The following ADGRL2 variants were observed in gnomAD, a reference collection of about 807,000 sequenced individuals.
ADGRL2 encodes calcium-independent alpha-latrotoxin receptor 2.
A neutral mutation model predicts 157.4 loss-of-function variants in ADGRL2; 44 were observed. That is an observed-to-expected ratio of 0.28 (90% CI 0.22 to 0.36). ADGRL2 has a LOEUF of 0.36. Ranked by LOEUF, ADGRL2 falls within the 10% of genes least tolerant of loss-of-function variation. The pLI, the probability that ADGRL2 is intolerant of heterozygous loss-of-function variation, is 1.00. For missense variants in ADGRL2, 1,510 were observed against 1,768.9 expected (o/e 0.85, Z 2.63); for synonymous variants, 585 against 624.7 (o/e 0.94, Z 0.95).
At chr1:81,404,262 T>C (rs1027649054) in intron 1 of ADGRL2, among the ~76,000 whole-genome samples, 2 of 152,180 alleles carry the variant, frequency 1.3e-5, no homozygotes, top group Non-Finnish European at 2.9e-5. Flanking sequence ...GTAATCAACT[T>C]TGAAGCCCCG....
chr1:81,846,607 C>G (rs1423371132), intron 2 of ADGRL2, among the ~76,000 whole-genome samples: 5 of 151,918 alleles, frequency 3.3e-5, no homozygotes, highest in African/African-American at 1.2e-4. Flanking sequence ...GTGCGTCTTA[C>G]TATTCCTGTA....
At chr1:81,935,043 A>T (rs1054585992) in intron 3 of ADGRL2, among the ~76,000 whole-genome samples, 13 of 151,990 alleles carry the variant, frequency 8.6e-5, no homozygotes, top group African/African-American at 3.1e-4. Flanking sequence ...TATATTTATT[A>T]GTTGGGAACA....
chr1:81,399,057 G>A (rs1255153712), intron 1 of ADGRL2, among the ~76,000 whole-genome samples: 2 of 152,122 alleles, frequency 1.3e-5, no homozygotes, highest in East Asian at 3.9e-4. Flanking sequence ...AGCATGACTG[G>A]GAGGCCTCAG....
intron 3 of ADGRL2, among the ~76,000 whole-genome samples, chr1:81,601,167 G>T (rs2081326570): frequency 6.6e-6 from 1 of 152,172 alleles, no homozygotes; most frequent in Non-Finnish European, 1.5e-5. Flanking sequence ...TCATTAAGTA[G>T]CATGCCTCAT....
At chr1:81,818,212 A>G (rs898089514) in intron 1 of ADGRL2, among the ~76,000 whole-genome samples, 1 of 152,114 alleles carries the variant, frequency 6.6e-6, no homozygotes. Flanking sequence ...TCACAATCAT[A>G]TTAAACTTTC....
chr1:81,461,931 G>A (rs2077937406), intron 2 of ADGRL2, among the ~76,000 whole-genome samples: 1 of 8,226 alleles, frequency 1.2e-4, no homozygotes, highest in African/African-American at 4.7e-4. Flanking sequence ...AAAGAAGAAA[G>A]GGGGGGGGGG....
At position 81,991,009 on chromosome 1, in the gene ADGRL2, C is replaced by T. The variant is rs1664507533; in HGVS notation, c.4274C>T (p.Ala1425Val). ...TATAAAAGCATGCCAAATCTTGGAG[C>T]TGGCCATCAGCTTCAGATGTGCTAC... ...IYYKSMPNLG[A>V]GHQLQMCYQI... Residue 1425 changes from alanine to valine, a missense_variant, in exon 24 of 24, where the codon GCT becomes GTT. This residue lies in a region of ADGRL2 where 327 missense variants were observed against 310.1 expected (regional missense o/e 1.05). Transcript: ENST00000686636. 6.2e-7 allele frequency: 1 copy of T among 1,613,974 alleles called. No homozygotes were observed. Among genetic ancestry groups the T allele is most frequent in the Non-Finnish European group, 8.5e-7 (1 of 1,179,966 alleles).
intron 1 of ADGRL2, among the ~76,000 whole-genome samples, chr1:81,724,432 T>C (rs903164315): frequency 7.9e-5 from 12 of 152,208 alleles, no homozygotes; most frequent in African/African-American, 2.9e-4. Flanking sequence ...ATAAATGAGA[T>C]AATCCAGTTG....
At chr1:81,655,227 C>T (rs1005617301) in intron 3 of ADGRL2, among the ~76,000 whole-genome samples, 1 of 152,144 alleles carries the variant, frequency 6.6e-6, no homozygotes. Flanking sequence ...ATCTCGATCT[C>T]CTGACTTCGT....
chr1:81,843,246 C>T (rs2092666161), intron 2 of ADGRL2, among the ~76,000 whole-genome samples: 1 of 152,078 alleles, frequency 6.6e-6, no homozygotes, highest in Admixed American at 6.6e-5. Flanking sequence ...AATTCTCCTG[C>T]CTCAGCCTCC....
intron 3 of ADGRL2, among the ~76,000 whole-genome samples, chr1:81,632,897 T>C (rs1026612594): frequency 6.6e-6 from 1 of 152,204 alleles, no homozygotes; most frequent in African/African-American, 2.4e-5. Context: ...ATGGAAGTCA[T>C]TGGAGGGATT....
chr1:81,565,006 A>G (rs180940164), intron 2 of ADGRL2, among the ~76,000 whole-genome samples: 1 of 152,348 alleles, frequency 6.6e-6, no homozygotes, highest in African/African-American at 2.4e-5. Flanking sequence ...AATTTCTTTC[A>G]GAATTAAATT....
At chr1:81,658,820 C>G (rs936370763) in intron 3 of ADGRL2, among the ~76,000 whole-genome samples, 2 of 151,948 alleles carry the variant, frequency 1.3e-5, no homozygotes, top group Non-Finnish European at 2.9e-5. Context: ...GGCACAATCT[C>G]AGCTCATTGC....
intron 3 of ADGRL2, among the ~76,000 whole-genome samples, chr1:81,925,656 G>GTT (rs935010116): frequency 6.6e-6 from 1 of 151,090 alleles, no homozygotes; most frequent in Non-Finnish European, 1.5e-5. Flanking sequence ...ACAAAGATGC[G>GTT]TTTTTTAAAG....
At chr1:81,982,033 A>G (rs1169439328) in intron 19 of ADGRL2, 57 bp downstream of exon 19, 1 of 1,312,692 alleles carries the variant, frequency 7.6e-7, no homozygotes, top group Non-Finnish European at 1.1e-6. Flanking sequence ...TTTGAATATA[A>G]TAGATATAAT....
intron 3 of ADGRL2, among the ~76,000 whole-genome samples, chr1:81,693,832 A>G (rs1256589035): frequency 1.3e-5 from 2 of 152,176 alleles, no homozygotes; most frequent in Non-Finnish European, 2.9e-5. Context: ...GAAAAATGAC[A>G]CAGAAAAGAT....
intron 1 of ADGRL2, among the ~76,000 whole-genome samples, chr1:81,370,972 G>A (rs2076151664): frequency 6.6e-6 from 1 of 152,076 alleles, no homozygotes; most frequent in Admixed American, 6.6e-5. Flanking sequence ...CTCTAGTCTA[G>A]CGTTTAATGG....
intron 1 of ADGRL2, among the ~76,000 whole-genome samples, chr1:81,758,713 T>C (rs2085772359): frequency 6.6e-6 from 1 of 152,234 alleles, no homozygotes; most frequent in Non-Finnish European, 1.5e-5. Context: ...TGCTAACATT[T>C]CATGGAATAT....
chr1:81,410,764 C>A (rs1345059428), intron 1 of ADGRL2, among the ~76,000 whole-genome samples: 1 of 152,016 alleles, frequency 6.6e-6, no homozygotes, highest in Non-Finnish European at 1.5e-5. Context: ...GGTGCTCAGC[C>A]CTAAAACAAT....
Sources: gnomAD v4.1 joint callset for allele counts (sites outside exome capture counted in the v4.1 genomes callset) on GRCh38, gnomAD v4.1.1 for gene constraint, gnomAD v4.1.1 regional missense constraint, MANE v1.5 for transcripts, NCBI Gene and HGNC (gene_info 2026-07-23, HGNC 2026-07-21) for gene names.